GCNT2: variants seen among roughly 807,000 people sequenced by gnomAD.
The protein encoded by GCNT2 is N-acetyllactosaminide beta-1,6-N-acetylglucosaminyl-transferase.
A neutral mutation model predicts 34.2 loss-of-function variants in GCNT2; 34 were observed. The ratio of observed to expected loss-of-function variants is 1.00; its 90% CI spans 0.76 to 1.32. The LOEUF (loss-of-function observed/expected upper bound fraction) is 1.32. GCNT2 is among the 40% of genes most tolerant of loss of function. The probability of loss-of-function intolerance (pLI) is 0.00; values close to 1 mark genes in which losing one functional copy is unlikely to be tolerated. For synonymous variants in GCNT2, 212 were observed against 188.0 expected (o/e 1.13, Z -1.04); for missense variants, 584 against 489.4 (o/e 1.19, Z -1.82).
At position 10,528,890 on chromosome 6, in the gene GCNT2, T is replaced by G. The variant is rs1332499931; in HGVS notation, c.-22T>G. The G allele has an allele frequency of 1.3e-6, 2 of 1,560,724 alleles. No individual in the cohort carries two copies. The highest frequency in any genetic ancestry group is 2.2e-5 in the South Asian group (2 of 90,018). On this transcript the variant is annotated 5_prime_UTR_variant, in exon 3 of 5. In the 5' UTR this introduces an upstream ATG that the reference lacks. Coordinates refer to ENST00000495262, the MANE Select transcript of GCNT2 (RefSeq NM_145649.5). ...TGATCCTATCTCAAGAGAGAGATATTTTACTCATTTCCTGGTTGTGAATGA... is the reference window on the plus strand; with the variant it reads ...TGATCCTATCTCAAGAGAGAGATATGTTACTCATTTCCTGGTTGTGAATGA...
intron 3 of GCNT2, among the ~76,000 whole-genome samples, chr6:10,535,457 G>A (rs1761711991): frequency 6.6e-6 from 1 of 152,188 alleles, no homozygotes; most frequent in African/African-American, 2.4e-5. Flanking sequence ...TTAGTTTCTT[G>A]TGTGATTCAG....
At chr6:10,534,652 G>A (rs1761676458) in intron 3 of GCNT2, among the ~76,000 whole-genome samples, 2 of 151,988 alleles carry the variant, frequency 1.3e-5, no homozygotes, top group Admixed American at 6.5e-5. Flanking sequence ...AGGGTCATGT[G>A]GTTTAAAAAA....
At position 10,629,225 on chromosome 6, in the gene GCNT2, T is replaced by G. The variant is rs1284430346; in HGVS notation, c.*2618T>G. ...GTCATCTCTCCTGTGTCTTAAATAC[T>G]TTAATGTTGGAAGAGCATAGTGTTT... On this transcript the variant is annotated 3_prime_UTR_variant, in exon 5 of 5. Coordinates refer to ENST00000495262, the MANE Select transcript of GCNT2 (RefSeq NM_145649.5). The G allele has an allele frequency of 6.5e-6, 1 of 152,680 alleles. No individual in the cohort carries two copies. Among genetic ancestry groups the G allele is most frequent in the Non-Finnish European group, 1.5e-5 (1 of 68,044 alleles). 9.5% of individuals were successfully genotyped at this position (152,680 alleles called of 1,614,324 possible). A position where few individuals can be genotyped will look rare whatever the true frequency, so the allele number is the denominator to read the frequency against.
intron 3 of GCNT2, chr6:10,575,358 ATT>A (rs55639937): frequency 3.8e-3 from 522 of 137,808 alleles, no homozygotes; most frequent in South Asian, 9.5e-3. Flanking sequence ...CTGGGTTGAC[ATT>A]TTTTTTTTTT....
chr6:10,575,159 TC>T, intron 3 of GCNT2: 1 of 421,982 alleles, frequency 2.4e-6, no homozygotes, highest in Non-Finnish European at 4.5e-6. Flanking sequence ...AAGGAACAAC[TC>T]CATGTTTTCT....
chr6:10,580,007 T>A (rs1764001972), intron 3 of GCNT2, among the ~76,000 whole-genome samples: 1 of 152,126 alleles, frequency 6.6e-6, no homozygotes, highest in Non-Finnish European at 1.5e-5. Flanking sequence ...TTTGTGACTT[T>A]GCATCTGCTT....
chr6:10,590,638 C>CCGCCTCTCA (rs1764597213), intron 3 of GCNT2, among the ~76,000 whole-genome samples: 1 of 151,626 alleles, frequency 6.6e-6, no homozygotes, highest in Admixed American at 6.6e-5. Context: ...ACTGCAACCT[C>CCGCCTCTCA]CGCCTCTCAG....
chr6:10,573,343 G>A (rs1763640186), intron 3 of GCNT2: 1 of 714,618 alleles, frequency 1.4e-6, no homozygotes, highest in Non-Finnish European at 1.6e-6. Flanking sequence ...TTTCATTTGT[G>A]GGTTTTATTG....
In GCNT2 at chr6:10,622,812, C is replaced by A; in HGVS notation, c.1018+1369C>A. Among the ~76,000 whole-genome samples, 5 of 131,880 alleles carry A rather than the reference C, an allele frequency of 3.8e-5. 1 individual carries two copies. In the Admixed American group the frequency reaches 4.7e-4, roughly 12 times the overall value. 86.5% of individuals were successfully genotyped at this position (131,880 alleles called of 152,430 possible). A position where few individuals can be genotyped will look rare whatever the true frequency, so the allele number is the denominator to read the frequency against. On this transcript the variant is annotated intron_variant, in intron 4 of 4. Coordinates refer to ENST00000495262, the MANE Select transcript of GCNT2 (RefSeq NM_145649.5). Reference sequence around the variant, plus strand: ...CTATCACCAGGCTGGAGAGCAGTGGCGCCATCTCAGCTCACTGCTGCAACC... The same window carrying A: ...CTATCACCAGGCTGGAGAGCAGTGGAGCCATCTCAGCTCACTGCTGCAACC...
intron 3 of GCNT2, among the ~76,000 whole-genome samples, chr6:10,539,566 T>C (rs1378858563): frequency 6.6e-6 from 1 of 152,086 alleles, no homozygotes; most frequent in Non-Finnish European, 1.5e-5. Context: ...GGATAAAATA[T>C]CTCTTTGTAG....
chr6:10,601,063 A>G (rs1331613842), intron 3 of GCNT2, among the ~76,000 whole-genome samples: 1 of 152,180 alleles, frequency 6.6e-6, no homozygotes, highest in Non-Finnish European at 1.5e-5. Context: ...AAGTGCTGGG[A>G]TTACAGGCAT....
chr6:10,533,124 T>C (rs1323625266), intron 3 of GCNT2, among the ~76,000 whole-genome samples: 1 of 151,502 alleles, frequency 6.6e-6, no homozygotes, highest in Admixed American at 6.6e-5. Flanking sequence ...CTGGCCAACA[T>C]GGTGAAACCT....
chr6:10,565,898 C>T (rs1262958103), intron 3 of GCNT2, among the ~76,000 whole-genome samples: 2 of 152,248 alleles, frequency 1.3e-5, no homozygotes, highest in Admixed American at 6.5e-5. Context: ...TAACATGCAC[C>T]CATGATCATG....
At chr6:10,545,582 C>T (rs1257040024) in intron 3 of GCNT2, among the ~76,000 whole-genome samples, 1 of 152,214 alleles carries the variant, frequency 6.6e-6, no homozygotes, top group African/African-American at 2.4e-5. Context: ...GCAATCCTAA[C>T]CTCCTTCGTG....
intron 3 of GCNT2, among the ~76,000 whole-genome samples, chr6:10,560,382 C>T (rs1484789280): frequency 2.0e-5 from 3 of 152,142 alleles, no homozygotes; most frequent in Non-Finnish European, 2.9e-5. Context: ...TGAGCCACTG[C>T]GCCGGGCTGA....
intron 4 of GCNT2, among the ~76,000 whole-genome samples, chr6:10,623,753 G>A (rs1171127491): frequency 2.0e-5 from 3 of 152,152 alleles, no homozygotes; most frequent in Non-Finnish European, 1.5e-5. Context: ...AAGACAGCTA[G>A]GATTTTTGAC....
chr6:10,565,911 A>G (rs899884051), intron 3 of GCNT2, among the ~76,000 whole-genome samples: 1 of 152,050 alleles, frequency 6.6e-6, no homozygotes, highest in Non-Finnish European at 1.5e-5. Flanking sequence ...TGATCATGCG[A>G]TCACATCCCT....
intron 3 of GCNT2, chr6:10,557,196 T>C (rs757745432): frequency 6.4e-7 from 1 of 1,560,774 alleles, no homozygotes; most frequent in South Asian, 1.2e-5. Flanking sequence ...AATCTCACAA[T>C]TTACTTTGGC....
intron 3 of GCNT2, among the ~76,000 whole-genome samples, chr6:10,541,639 T>A (rs903831590): frequency 5.3e-5 from 8 of 152,288 alleles, no homozygotes; most frequent in Non-Finnish European, 1.0e-4. Context: ...ATTTAAAATA[T>A]TCAGAAAATG....
Sources: gnomAD v4.1 joint callset for allele counts (sites outside exome capture counted in the v4.1 genomes callset) on GRCh38, gnomAD v4.1.1 for gene constraint, MANE v1.5 for transcripts, NCBI Gene and HGNC (gene_info 2026-07-23, HGNC 2026-07-21) for gene names.